The following MUC17 variants were observed in gnomAD, a reference collection of about 807,000 sequenced individuals.
MUC17 encodes mucin 17, cell surface associated, also known as mucin-17.
Under a neutral mutation model 170.3 loss-of-function variants are expected in MUC17, and 190 were observed. The observed-to-expected ratio is 1.12, with a 90% CI of 0.99 to 1.26. The LOEUF (loss-of-function observed/expected upper bound fraction) is 1.26, where lower values mean the gene tolerates loss of function less well. Ranked by LOEUF, MUC17 falls within the 50% of genes most tolerant of loss-of-function variation. The pLI, the probability that MUC17 is intolerant of heterozygous loss-of-function variation, is 0.00. For synonymous variants in MUC17, 2,325 were observed against 2,002.5 expected (o/e 1.16, Z -4.30); for missense variants, 6,415 against 5,530.0 (o/e 1.16, Z -5.08).
At chr7:101,026,275 G>A (rs756888355) in intron 1 of MUC17, among the ~76,000 whole-genome samples, 3 of 152,238 alleles carry the variant, frequency 2.0e-5, no homozygotes, top group Non-Finnish European at 4.4e-5. Flanking sequence ...GGCAGGGACA[G>A]GGGTATGCTG....
At position 101,047,968 on chromosome 7, in the gene MUC17, T is replaced by A. The variant is rs1794871154; in HGVS notation, c.12404-16T>A. ...TGGAGGAACTTGGAAAGAAAACTTCTGTGATTGTTCCACAGGCTTTGGAGA... is the reference window on the plus strand; with the variant it reads ...TGGAGGAACTTGGAAAGAAAACTTCAGTGATTGTTCCACAGGCTTTGGAGA... On this transcript the variant is annotated splice_polypyrimidine_tract_variant and intron_variant, in intron 3 of 12. Transcript: ENST00000306151. 4 of 1,567,666 alleles carry A rather than the reference T, an allele frequency of 2.6e-6. No individual in the cohort carries two copies. Among genetic ancestry groups the A allele is most frequent in the African/African-American group, 1.4e-5 (1 of 72,998 alleles).
intron 1 of MUC17, among the ~76,000 whole-genome samples, chr7:101,022,629 A>T (rs1794112295): frequency 1.3e-5 from 2 of 152,172 alleles, no homozygotes; most frequent in South Asian, 2.1e-4. Context: ...GTTTGAGACC[A>T]TCCTGGGCAA....
Position 101,042,978 on chromosome 7 carries a change from A to T in MUC17, c.11562A>T (p.Ser3854=). ...TPLLTSTKAG[S]FSIPAEVTTI... ...TGCTCACCTCTACCAAAGCCGGTTC[A>T]TTCTCCATACCTGCTGAAGTCACTA... Residue 3854 remains serine, a synonymous_variant, in exon 3 of 13, where the codon TCA becomes TCT. Transcript: ENST00000306151. 1 of 1,614,158 alleles carries T rather than the reference A, an allele frequency of 6.2e-7. No homozygotes were observed. Among genetic ancestry groups the T allele is most frequent in the Non-Finnish European group, 8.5e-7 (1 of 1,180,024 alleles).
At chr7:101,022,163 AT>A (rs1247384498) in intron 1 of MUC17, among the ~76,000 whole-genome samples, 17,307 of 112,890 alleles carry the variant, frequency 0.15, 790 homozygotes, top group Middle Eastern at 0.25. Context: ...CTCCCGAGAG[AT>A]TTTTTTTTTT....
Position 101,031,740 on chromosome 7 carries a change from C to A in MUC17, c.324C>A (p.Thr108=). The part of the protein sequence containing the change: ...VTSDTPGVSS[T]RMTPTESRTT... ...CAGACACTCCTGGTGTCTCCAGTACCAGGATGACACCAACAGAATCCAGAA... is the reference window on the plus strand; with the variant it reads ...CAGACACTCCTGGTGTCTCCAGTACAAGGATGACACCAACAGAATCCAGAA... Residue 108 remains threonine, a synonymous_variant, in exon 3 of 13, where the codon ACC becomes ACA. Transcript: ENST00000306151. 1 of 1,605,264 alleles carries A rather than the reference C, an allele frequency of 6.2e-7. No homozygotes were observed. Among genetic ancestry groups the A allele is most frequent in the Non-Finnish European group, 8.5e-7 (1 of 1,171,964 alleles).
At chr7:101,045,284 T>A (rs905463994) in intron 3 of MUC17, among the ~76,000 whole-genome samples, 1 of 152,252 alleles carries the variant, frequency 6.6e-6, no homozygotes, top group Non-Finnish European at 1.5e-5. Flanking sequence ...GAATTGATGA[T>A]GATGAAGGGT....
At position 101,056,238 on chromosome 7, in the gene MUC17, C is replaced by G; in HGVS notation, c.13408C>G (p.Pro4470Ala). 1.2e-6 allele frequency: 2 copies of G among 1,613,940 alleles called. No individual in the cohort carries two copies. The highest frequency in any genetic ancestry group is 1.7e-6 in the Non-Finnish European group (2 of 1,179,910). The change falls in exon 12 of 13, where the codon CCC becomes GCC. Residue 4470 changes from proline to alanine, a missense_variant. Transcript: ENST00000306151. ...GGAGTCCATCTATAGTAATTTCCAG[C>G]CCTCCTTGAGACACATAGACCCTGA... ...HLESIYSNFQ[P>A]SLRHIDPETK... is the part of the protein sequence containing the mutation.
chr7:101,022,541 C>G (rs2116385131), intron 1 of MUC17, among the ~76,000 whole-genome samples: 1 of 152,320 alleles, frequency 6.6e-6, no homozygotes, highest in Non-Finnish European at 1.5e-5. Context: ...GCTCTCCTCC[C>G]AGGCCAGGTG....
At position 101,035,779 on chromosome 7, in the gene MUC17, A is replaced by T. The variant is rs1479774536; in HGVS notation, c.4363A>T (p.Thr1455Ser). 2 of 1,609,004 alleles carry T rather than the reference A, an allele frequency of 1.2e-6. No homozygotes were observed. Among genetic ancestry groups the T allele is most frequent in the Non-Finnish European group, 1.7e-6 (2 of 1,177,314 alleles). ...IPTSTPSEGK[T>S]PLKSIPVSNT... Reference sequence around the variant, plus strand: ...AACCTCAACTCCTAGTGAAGGAAAGACTCCATTAAAAAGTATACCTGTCAG... The same window carrying T: ...AACCTCAACTCCTAGTGAAGGAAAGTCTCCATTAAAAAGTATACCTGTCAG... Residue 1455 changes from threonine (T) to serine (S), a missense_variant, in exon 3 of 13, where the codon ACT becomes TCT. Coordinates refer to ENST00000306151, the MANE Select transcript of MUC17 (RefSeq NM_001040105.2).
intron 3 of MUC17, among the ~76,000 whole-genome samples, chr7:101,046,102 G>A (rs1007859682): frequency 6.6e-6 from 1 of 152,202 alleles, no homozygotes; most frequent in African/African-American, 2.4e-5. Flanking sequence ...GATTTAGGAT[G>A]TATGGGTTTC....
Position 101,039,835 on chromosome 7 carries a change from G to A in MUC17, c.8419G>A (p.Glu2807Lys), listed in dbSNP as rs1210252753. Reference sequence around the variant, plus strand: ...CAGCATGCCAACCTCAACTCCTAGTGAAACAAGTACTCCATTAACTAGTAT... The same window carrying A: ...CAGCATGCCAACCTCAACTCCTAGTAAAACAAGTACTCCATTAACTAGTAT... ...VTSMPTSTPSETSTPLTSMPV... is the reference protein window; with the variant it reads ...VTSMPTSTPSKTSTPLTSMPV... Residue 2807 changes from glutamate (E) to lysine (K), a missense_variant, in exon 3 of 13, where the codon GAA becomes AAA. By Grantham distance (56) the Glu-to-Lys change is moderately conservative. Coordinates refer to ENST00000306151, the MANE Select transcript of MUC17 (RefSeq NM_001040105.2). 1.2e-6 allele frequency: 2 copies of A among 1,610,418 alleles called. No homozygotes were observed. Among genetic ancestry groups the A allele is most frequent in the Non-Finnish European group, 1.7e-6 (2 of 1,178,322 alleles).
chr7:101,029,694 G>T (rs1017654909), intron 1 of MUC17, among the ~76,000 whole-genome samples: 1 of 151,776 alleles, frequency 6.6e-6, no homozygotes, highest in Non-Finnish European at 1.5e-5. Flanking sequence ...TGTCTCCCAG[G>T]CTCAAGCAAT....
At chr7:101,046,145 T>G (rs1794836418) in intron 3 of MUC17, among the ~76,000 whole-genome samples, 5 of 152,194 alleles carry the variant, frequency 3.3e-5, no homozygotes. Context: ...TTCTCTCTTC[T>G]ATTCTTTCCA....
intron 6 of MUC17, among the ~76,000 whole-genome samples, chr7:101,049,830 A>G (rs528603891): frequency 6.6e-6 from 1 of 152,264 alleles, no homozygotes; most frequent in East Asian, 1.9e-4. Context: ...TTAGGGCTTC[A>G]ATATATAAAT....
intron 12 of MUC17, among the ~76,000 whole-genome samples, chr7:101,056,982 GA>G (rs920868753): frequency 6.6e-6 from 1 of 151,746 alleles, no homozygotes; most frequent in Non-Finnish European, 1.5e-5. Flanking sequence ...TGGTTGTCTT[GA>G]AAAATGTCTC....
In MUC17 at chr7:101,041,094, T is replaced by A; in HGVS notation, c.9678T>A (p.Ser3226Arg). 6.2e-7 allele frequency: 1 copy of A among 1,613,860 alleles called. No individual in the cohort carries two copies. Among genetic ancestry groups the A allele is most frequent in the Non-Finnish European group, 8.5e-7 (1 of 1,179,930 alleles). ...TPSEGMTPLT[S>R]VPVSNTPVAS... ...GTGAAGGAATGACTCCATTAACTAG[T>A]GTACCTGTCAGCAACACGCCGGTGG... The change falls in exon 3 of 13, where the codon AGT becomes AGA. Residue 3226 changes from serine (S) to arginine (R), a missense_variant. Physicochemically the swap from Ser to Arg is moderately radical, Grantham distance 110. Transcript: ENST00000306151.
rs1183716503 is a variant in MUC17, at chr7:101,043,530, T to C, written c.12114T>C (p.Thr4038=). The C allele has an allele frequency of 1.2e-6, 2 of 1,614,182 alleles. No homozygotes were observed. Among genetic ancestry groups the C allele is most frequent in the South Asian group, 2.2e-5 (2 of 91,084 alleles). The change falls in exon 3 of 13, where the codon ACT becomes ACC. Residue 4038 remains threonine (T), a synonymous_variant. Transcript: ENST00000306151. ...LSATSTPHTS[T]SVTTRPVTPS... Reference sequence around the variant, plus strand: ...CAACCAGTACACCTCACACCTCTACTTCTGTCACCACCCGTCCTGTGACCC... The same window carrying C: ...CAACCAGTACACCTCACACCTCTACCTCTGTCACCACCCGTCCTGTGACCC...
intron 12 of MUC17, 89 bp downstream of exon 12, chr7:101,056,359 C>G: frequency 6.5e-7 from 1 of 1,550,220 alleles, no homozygotes; most frequent in South Asian, 1.2e-5. Context: ...TTCAGAAAAA[C>G]AGAACCATGT....
rs1420496592 is a variant in MUC17 at position 101,053,009 on chromosome 7, G to A, written c.13127G>A (p.Trp4376Ter). The change falls in exon 10 of 13, where the codon TGG becomes TAG. Residue 4376 changes from tryptophan to a stop codon, truncating the protein, a stop_gained. Transcript: ENST00000306151. LOFTEE classifies it high-confidence loss of function. ...QCLCVTTETH[W>*]YSGETCNQGT... ...AGCTGCGTGACCACGGAAACTCACTGGTACAGTGGGGAGACCTGTAACCAG... is the reference window on the plus strand; with the variant it reads ...AGCTGCGTGACCACGGAAACTCACTAGTACAGTGGGGAGACCTGTAACCAG... 1 of 1,613,922 alleles carries A rather than the reference G, an allele frequency of 6.2e-7. No individual in the cohort carries two copies. The highest frequency in any genetic ancestry group is 8.5e-7 in the Non-Finnish European group (1 of 1,179,924).
Sources: allele counts gnomAD v4.1 joint callset (sites outside exome capture counted in the v4.1 genomes callset), GRCh38; gene constraint gnomAD v4.1.1; transcripts MANE v1.5; gene names NCBI Gene and HGNC (gene_info 2026-07-23, HGNC 2026-07-21).